The following ENPP2 variants were observed in gnomAD, a reference collection of about 807,000 sequenced individuals.
ENPP2 encodes the protein ectonucleotide pyrophosphatase/phosphodiesterase 2.
ENPP2 carries 51 observed loss-of-function variants against 120.2 expected under a neutral mutation model. The ratio of observed to expected loss-of-function variants is 0.42; its 90% CI spans 0.34 to 0.54. ENPP2 has a LOEUF of 0.54. Ranked by LOEUF, ENPP2 falls within the 20% of genes least tolerant of loss-of-function variation. ENPP2 has a pLI of 0.04. For synonymous variants in ENPP2, 365 were observed against 366.4 expected (o/e 1.00, Z 0.04); for missense variants, 920 against 1,066.5 (o/e 0.86, Z 1.91).
intron 24 of ENPP2, among the ~76,000 whole-genome samples, chr8:119,559,308 A>G (rs911898791): frequency 2.6e-5 from 4 of 152,008 alleles, no homozygotes; most frequent in Admixed American, 2.6e-4. Flanking sequence ...CATTTGTTTG[A>G]TTTTTCAGTG....
chr8:119,597,169 C>G (rs909004406), intron 11 of ENPP2, among the ~76,000 whole-genome samples: 1 of 152,192 alleles, frequency 6.6e-6, no homozygotes, highest in African/African-American at 2.4e-5. Flanking sequence ...CCAAAGCAAT[C>G]AAAAGACACA....
At chr8:119,585,660 A>G (rs1033350260) in intron 15 of ENPP2, among the ~76,000 whole-genome samples, 25 of 152,214 alleles carry the variant, frequency 1.6e-4, no homozygotes, top group South Asian at 4.1e-4. Context: ...AAAGCAAGGA[A>G]CATTCTCTTC....
At chr8:119,579,625 A>G (rs956702876) in intron 19 of ENPP2, among the ~76,000 whole-genome samples, 20 of 151,630 alleles carry the variant, frequency 1.3e-4, no homozygotes, top group African/African-American at 4.4e-4. Context: ...GCTCGTTATC[A>G]TTGTACGTAA....
intron 8 of ENPP2, among the ~76,000 whole-genome samples, chr8:119,610,426 G>C (rs1815011093): frequency 6.6e-6 from 1 of 151,658 alleles, no homozygotes. Context: ...CCCAAGGGGG[G>C]GAAAAAGGCA....
chr8:119,673,159 G>T, intron 1 of ENPP2: 1 of 1,093,168 alleles, frequency 9.1e-7, no homozygotes, highest in Non-Finnish European at 1.3e-6. Context: ...AAACCTGGAG[G>T]CCCTTTGCAA....
intron 3 of ENPP2, among the ~76,000 whole-genome samples, chr8:119,623,432 T>C (rs561010140): frequency 1.3e-4 from 20 of 151,944 alleles, no homozygotes; most frequent in Non-Finnish European, 2.5e-4. Context: ...GCCATTGCAC[T>C]CCAGCATGGG....
chr8:119,645,590 C>T (rs1198877599), intron 1 of ENPP2, among the ~76,000 whole-genome samples: 1 of 152,000 alleles, frequency 6.6e-6, no homozygotes, highest in Non-Finnish European at 1.5e-5. Context: ...TTTGGGAGGC[C>T]GAGGCAGGTG....
intron 1 of ENPP2, among the ~76,000 whole-genome samples, chr8:119,665,443 T>G (rs574324109): frequency 2.6e-5 from 4 of 152,190 alleles, no homozygotes; most frequent in Non-Finnish European, 4.4e-5. Context: ...CACTAGGCAG[T>G]GCAATGCCCC....
chr8:119,646,071 C>T (rs1003290067), intron 1 of ENPP2, among the ~76,000 whole-genome samples: 4 of 151,678 alleles, frequency 2.6e-5, no homozygotes, highest in African/African-American at 4.8e-5. Flanking sequence ...TGGGTTCAAG[C>T]GATTCTCCTG....
At chr8:119,598,812 T>C (rs1226469935) in intron 11 of ENPP2, among the ~76,000 whole-genome samples, 1 of 152,100 alleles carries the variant, frequency 6.6e-6, no homozygotes. Flanking sequence ...TGGAAGGGAG[T>C]GTGCTCTGGG....
chr8:119,664,662 C>G (rs908556686), intron 1 of ENPP2, among the ~76,000 whole-genome samples: 1 of 152,114 alleles, frequency 6.6e-6, no homozygotes, highest in Non-Finnish European at 1.5e-5. Flanking sequence ...AATGTATCAG[C>G]TAGGCACGGT....
In ENPP2 at chr8:119,595,866, G is replaced by A. The variant is rs142695308; in HGVS notation, c.973-2006C>T. On this transcript the variant is annotated intron_variant, in intron 11 of 24. Coordinates refer to ENST00000075322, the MANE Select transcript of ENPP2 (RefSeq NM_001040092.3). ...ACTTACTTTGTCCTGACGAGTTTCC[G>A]CAGCATAATGATCCATCCTATGTAT... 4.7e-4 allele frequency: 757 copies of A among 1,613,932 alleles called. 6 individuals carry two copies. The Admixed American group carries it at 6.5e-3, about 14-fold the overall frequency.
Position 119,582,413 on chromosome 8 carries a change from T to C in ENPP2, c.1728+5A>G. The C allele has an allele frequency of 6.2e-7, 1 of 1,610,962 alleles. No homozygotes were observed. The highest frequency in any genetic ancestry group is 8.5e-7 in the Non-Finnish European group (1 of 1,177,718). On this transcript the variant is annotated splice_donor_5th_base_variant and intron_variant, in intron 18 of 24. Transcript: ENST00000075322. The stretch of plus-strand genomic sequence containing the variant: ...CTCCATAATAAACATAAAGATTATT[T>C]CTACCTTTGGCTCTACCTTATCATC...
At chr8:119,673,135 G>T in intron 1 of ENPP2, 1 of 848,948 alleles carries the variant, frequency 1.2e-6, no homozygotes, top group Non-Finnish European at 1.9e-6. Context: ...GCCCAACAGG[G>T]ACTGCTTTCC....
chr8:119,568,785 G>C (rs1814702748), intron 21 of ENPP2, among the ~76,000 whole-genome samples: 1 of 152,032 alleles, frequency 6.6e-6, no homozygotes, highest in African/African-American at 2.4e-5. Context: ...TTTTTTTAGA[G>C]ACAAGGTCTT....
At chr8:119,601,675 G>A (rs978169234) in intron 9 of ENPP2, among the ~76,000 whole-genome samples, 2 of 152,060 alleles carry the variant, frequency 1.3e-5, no homozygotes, top group African/African-American at 4.8e-5. Context: ...TTCCACAGAA[G>A]ACTACACTGG....
chr8:119,649,309 G>A (rs576903246), intron 1 of ENPP2, among the ~76,000 whole-genome samples: 4 of 151,522 alleles, frequency 2.6e-5, no homozygotes, highest in Admixed American at 2.0e-4. Flanking sequence ...GGCTGAGGCA[G>A]GAGAATGGCG....
intron 1 of ENPP2, among the ~76,000 whole-genome samples, chr8:119,664,921 A>G (rs918424587): frequency 1.3e-5 from 2 of 152,220 alleles, no homozygotes; most frequent in African/African-American, 4.8e-5. Flanking sequence ...CAACAAAAAA[A>G]GACAATGAAA....
intron 7 of ENPP2, 131 bp from the exon 8 acceptor site, chr8:119,616,515 A>G (rs1815471549): frequency 1.9e-6 from 1 of 539,460 alleles, no homozygotes; most frequent in Non-Finnish European, 3.2e-6. Context: ...TAAGACATGT[A>G]TAACCTTCAC....
Sources: gnomAD v4.1 joint callset for allele counts (sites outside exome capture counted in the v4.1 genomes callset) on GRCh38, gnomAD v4.1.1 for gene constraint, MANE v1.5 for transcripts, NCBI Gene and HGNC (gene_info 2026-07-23, HGNC 2026-07-21) for gene names.